The following WWOX variants were observed in gnomAD, a reference collection of about 807,000 sequenced individuals.
WWOX encodes WW domain containing oxidoreductase, also known as WW domain-containing oxidoreductase.
WWOX carries 69 observed loss-of-function variants against 46.2 expected under a neutral mutation model. The ratio of observed to expected loss-of-function variants is 1.49; its 90% CI spans 1.23 to 1.82. The LOEUF (loss-of-function observed/expected upper bound fraction) is 1.82. WWOX is among the 40% of genes most tolerant of loss of function. WWOX has a pLI of 0.00. For missense variants in WWOX, 919 were observed against 542.6 expected (o/e 1.69, Z -6.89); for synonymous variants, 359 against 202.6 (o/e 1.77, Z -6.56).
At chr16:78,959,816 G>A (rs1481281453) in intron 8 of WWOX, among the ~76,000 whole-genome samples, 1 of 152,158 alleles carries the variant, frequency 6.6e-6, no homozygotes, top group Non-Finnish European at 1.5e-5. Flanking sequence ...GAACCCTGTG[G>A]AAATCATACG....
At chr16:78,775,689 G>A (rs918762830) in intron 8 of WWOX, among the ~76,000 whole-genome samples, 2 of 152,170 alleles carry the variant, frequency 1.3e-5, no homozygotes, top group Admixed American at 1.3e-4. Flanking sequence ...TGCGAGCAAT[G>A]GTTCACATAG....
At chr16:78,571,130 G>C (rs528509085) in intron 8 of WWOX, among the ~76,000 whole-genome samples, 26 of 152,316 alleles carry the variant, frequency 1.7e-4, no homozygotes, top group Middle Eastern at 3.4e-3. Context: ...CAGTAGAAGA[G>C]AAATGTACAT....
intron 3 of WWOX, among the ~76,000 whole-genome samples, chr16:78,111,561 G>A (rs1335271600): frequency 7.2e-5 from 11 of 152,100 alleles, no homozygotes; most frequent in Non-Finnish European, 1.2e-4. Context: ...TTAGCAGACC[G>A]CGAAAGGGAG....
At chr16:79,196,203 G>T (rs1314067721) in intron 8 of WWOX, among the ~76,000 whole-genome samples, 3 of 152,206 alleles carry the variant, frequency 2.0e-5, no homozygotes, top group Non-Finnish European at 4.4e-5. Context: ...ACCAAGGTGA[G>T]AGACTCGGAA....
At chr16:78,544,403 CATT>C (rs1157481835) in intron 8 of WWOX, among the ~76,000 whole-genome samples, 1 of 152,146 alleles carries the variant, frequency 6.6e-6, no homozygotes, top group Non-Finnish European at 1.5e-5. Flanking sequence ...ATTAAGTAGA[CATT>C]ATCTTCATCT....
chr16:78,661,175 A>G (rs2047202132), intron 8 of WWOX, among the ~76,000 whole-genome samples: 1 of 152,176 alleles, frequency 6.6e-6, no homozygotes, highest in South Asian at 2.1e-4. Context: ...ACTGTCCTCT[A>G]GAATGGTTAA....
At chr16:78,843,756 A>T (rs929587275) in intron 8 of WWOX, among the ~76,000 whole-genome samples, 1 of 152,246 alleles carries the variant, frequency 6.6e-6, no homozygotes, top group Admixed American at 6.5e-5. Flanking sequence ...TGTTGCATCA[A>T]ATATTTAGCC....
At chr16:78,321,028 C>T (rs1309292424) in intron 5 of WWOX, among the ~76,000 whole-genome samples, 1 of 152,040 alleles carries the variant, frequency 6.6e-6, no homozygotes, top group Non-Finnish European at 1.5e-5. Flanking sequence ...TAACCAATAG[C>T]CTCACAGATG....
At chr16:78,620,404 G>T (rs1432042346) in intron 8 of WWOX, among the ~76,000 whole-genome samples, 16 of 152,178 alleles carry the variant, frequency 1.1e-4, no homozygotes, top group Admixed American at 1.0e-3. Flanking sequence ...AGAAGTTTCT[G>T]TATCAACTGG....
At chr16:78,943,135 C>G (rs914929815) in intron 8 of WWOX, among the ~76,000 whole-genome samples, 4 of 152,180 alleles carry the variant, frequency 2.6e-5, no homozygotes, top group Non-Finnish European at 4.4e-5. Flanking sequence ...GGTGGCAACA[C>G]ATGGTGGGTT....
chr16:78,567,622 C>T (rs894600281), intron 8 of WWOX, among the ~76,000 whole-genome samples: 3 of 151,392 alleles, frequency 2.0e-5, no homozygotes, highest in African/African-American at 4.9e-5. Context: ...AAGCTCGCCG[C>T]AGCCTGCTAT....
intron 8 of WWOX, among the ~76,000 whole-genome samples, chr16:79,033,170 A>T (rs145638685): frequency 0.014 from 2,043 of 145,794 alleles, 23 homozygotes; most frequent in South Asian, 0.053. Context: ...TATATAAAAT[A>T]TATATTATGT....
At chr16:79,034,226 C>T (rs1472645343) in intron 8 of WWOX, among the ~76,000 whole-genome samples, 4 of 152,174 alleles carry the variant, frequency 2.6e-5, no homozygotes, top group African/African-American at 4.8e-5. Flanking sequence ...TCCTAAAAAG[C>T]CTCATGCCCA....
At chr16:79,191,830 C>A (rs772549814) in intron 8 of WWOX, among the ~76,000 whole-genome samples, 3 of 152,284 alleles carry the variant, frequency 2.0e-5, no homozygotes, top group Middle Eastern at 3.4e-3. Context: ...AGGGGATATA[C>A]ACTTCTAAGC....
At chr16:78,804,971 A>G (rs1222254323) in intron 8 of WWOX, among the ~76,000 whole-genome samples, 1 of 152,240 alleles carries the variant, frequency 6.6e-6, no homozygotes, top group African/African-American at 2.4e-5. Context: ...GATGGTTTCC[A>G]TTGATATTTG....
intron 5 of WWOX, among the ~76,000 whole-genome samples, chr16:78,318,943 A>G (rs2080410244): frequency 6.6e-6 from 1 of 152,114 alleles, no homozygotes; most frequent in Admixed American, 6.6e-5. Context: ...TAATCCGCGG[A>G]AACTATGGAT....
chr16:78,581,688 C>A (rs1310270436), intron 8 of WWOX, among the ~76,000 whole-genome samples: 1 of 152,084 alleles, frequency 6.6e-6, no homozygotes, highest in Non-Finnish European at 1.5e-5. Context: ...TAGTTTATAC[C>A]AGTACATTTT....
intron 8 of WWOX, among the ~76,000 whole-genome samples, chr16:79,149,674 T>C (rs955443711): frequency 6.6e-6 from 1 of 152,240 alleles, no homozygotes; most frequent in Non-Finnish European, 1.5e-5. Context: ...TGCCTGCTTA[T>C]ATTTTCATCT....
intron 5 of WWOX, among the ~76,000 whole-genome samples, chr16:78,311,612 G>A (rs1186943787): frequency 6.6e-6 from 1 of 152,154 alleles, no homozygotes; most frequent in South Asian, 2.1e-4. Flanking sequence ...CAGATGAGTG[G>A]GCCTAAAGAA....
Sources: gnomAD v4.1 joint callset for allele counts (sites outside exome capture counted in the v4.1 genomes callset) on GRCh38, gnomAD v4.1.1 for gene constraint, MANE v1.5 for transcripts, NCBI Gene and HGNC (gene_info 2026-07-23, HGNC 2026-07-21) for gene names.